Variants in CBFB observed in about 807,000 individuals in gnomAD.
CBFB encodes CBF-beta.
A neutral mutation model predicts 30.4 loss-of-function variants in CBFB; 9 were observed. The ratio of observed to expected loss-of-function variants is 0.30; its 90% CI spans 0.18 to 0.52. The LOEUF is 0.52. Ranked by LOEUF, CBFB falls within the 20% of genes least tolerant of loss-of-function variation. The pLI is 0.97. For synonymous variants in CBFB, 94 were observed against 84.0 expected, an observed-to-expected ratio of 1.12 and a Z score of -0.65; for missense variants, 170 against 244.0, an observed-to-expected ratio of 0.70 and a Z score of 2.02.
At chr16:67,077,391 C>G (rs1961430336) in intron 4 of CBFB, among the ~76,000 whole-genome samples, 1 of 152,156 alleles carries the variant, frequency 6.6e-6, no homozygotes, top group African/African-American at 2.4e-5. Flanking sequence ...AACGTATAAA[C>G]AGCTTTACTT....
intron 3 of CBFB, among the ~76,000 whole-genome samples, chr16:67,062,964 A>G (rs991114630): frequency 2.6e-5 from 4 of 152,146 alleles, no homozygotes; most frequent in African/African-American, 9.7e-5. Flanking sequence ...GAGGTGTGCT[A>G]ATAGGTGAAA....
At chr16:67,030,496 G>GA (rs892948222) in intron 2 of CBFB, among the ~76,000 whole-genome samples, 12 of 149,172 alleles carry the variant, frequency 8.0e-5, no homozygotes, top group South Asian at 2.1e-4. Context: ...ACCTTGGGTT[G>GA]AAAAAAAAAA....
chr16:67,048,002 G>A (rs555128974), intron 3 of CBFB, among the ~76,000 whole-genome samples: 9 of 152,248 alleles, frequency 5.9e-5, no homozygotes, highest in Non-Finnish European at 1.3e-4. Flanking sequence ...CTGGGAGGCA[G>A]AGGGTGCAGT....
chr16:67,051,509 T>A (rs1966739339), intron 3 of CBFB, among the ~76,000 whole-genome samples: 1 of 151,852 alleles, frequency 6.6e-6, no homozygotes, highest in African/African-American at 2.4e-5. Flanking sequence ...CACATACATA[T>A]ATGGATCCAG....
intron 5 of CBFB, among the ~76,000 whole-genome samples, chr16:67,084,639 T>C (rs1376101150): frequency 6.6e-6 from 1 of 152,244 alleles, no homozygotes; most frequent in East Asian, 1.9e-4. Context: ...AGTTTTATGA[T>C]ATGTGTATTT....
chr16:67,034,591 A>G (rs1002982583), intron 2 of CBFB, among the ~76,000 whole-genome samples: 1 of 152,192 alleles, frequency 6.6e-6, no homozygotes, highest in Admixed American at 6.5e-5. Flanking sequence ...AGGGATCTTT[A>G]TGAGATAATG....
In CBFB at chr16:67,031,637, A is replaced by T. The variant is rs192775718; in HGVS notation, c.165+1824A>T. 3.0e-3 allele frequency among the ~76,000 whole-genome samples: 454 copies of T among 152,238 alleles called. 12 individuals are homozygous for T. The highest frequency in any genetic ancestry group is 0.026 in the Admixed American group (391 of 15,274). On this transcript the variant is annotated intron_variant, in intron 2 of 5. Coordinates refer to ENST00000412916, the MANE Select transcript of CBFB (RefSeq NM_022845.3). ...GCGATTCTCCTGCCTCAGCCTCCTG[A>T]GTAGCTGGGATTACAGGCACACACC...
At chr16:67,080,303 A>G (rs573863803) in intron 4 of CBFB, among the ~76,000 whole-genome samples, 10 of 152,218 alleles carry the variant, frequency 6.6e-5, no homozygotes, top group South Asian at 6.2e-4. Flanking sequence ...GACTTTTGCA[A>G]TGGTCTAAGT....
In CBFB at chr16:67,037,486, AAAAC is replaced by A. The variant is rs546140424; in HGVS notation, c.282+734_282+737del. Among the ~76,000 whole-genome samples the A allele has an allele frequency of 6.7e-4, 102 of 152,288 alleles. 1 individual carries two copies. The South Asian group carries it at 0.011, about 16-fold the overall frequency. ...ATTAACAGCAAATTTACATTTGAGAAAAACAATGTGAAAACTTTAACTTGGAAAT... is the reference window on the plus strand; with the variant it reads ...ATTAACAGCAAATTTACATTTGAGAAAATGTGAAAACTTTAACTTGGAAAT... On this transcript the variant is annotated intron_variant, in intron 3 of 5. Transcript: ENST00000412916.
In CBFB at chr16:67,085,261, C is replaced by G. The variant is rs1465707556; in HGVS notation, c.495+2953C>G. Among the ~76,000 whole-genome samples, 6 of 150,890 alleles carry G rather than the reference C, an allele frequency of 4.0e-5. No individual in the cohort carries two copies. In the South Asian group the frequency reaches 6.3e-4, roughly 16 times the overall value. Reference sequence around the variant, plus strand: ...GTCGGCTCACCGCAACCTCTGCCTCCCGGGTTCAAGCGATTCTCCTGCCTC... The same window carrying G: ...GTCGGCTCACCGCAACCTCTGCCTCGCGGGTTCAAGCGATTCTCCTGCCTC... On this transcript the variant is annotated intron_variant, in intron 5 of 5. Coordinates refer to ENST00000412916, the MANE Select transcript of CBFB (RefSeq NM_022845.3).
intron 3 of CBFB, among the ~76,000 whole-genome samples, chr16:67,055,406 G>A (rs1437785975): frequency 3.5e-5 from 4 of 115,628 alleles, no homozygotes; most frequent in East Asian, 2.5e-4. Context: ...TCGCTCTGTC[G>A]CCCAGGCTGG....
chr16:67,042,111 A>G (rs983666170), intron 3 of CBFB, among the ~76,000 whole-genome samples: 1 of 151,580 alleles, frequency 6.6e-6, no homozygotes, highest in African/African-American at 2.4e-5. Context: ...TTTTGTGGAG[A>G]TGGGGTTCTG....
intron 5 of CBFB, among the ~76,000 whole-genome samples, chr16:67,095,275 T>C (rs1307341682): frequency 6.7e-6 from 1 of 149,024 alleles, no homozygotes; most frequent in African/African-American, 2.5e-5. Flanking sequence ...TCCCAACACT[T>C]TGGGAGGCTG....
At chr16:67,098,664 T>C in intron 5 of CBFB, 46 bp from the exon 6 acceptor site, 1 of 1,137,084 alleles carries the variant, frequency 8.8e-7, no homozygotes, top group Non-Finnish European at 1.3e-6. Flanking sequence ...AGTATTTTGA[T>C]TGTCAAAACA....
chr16:67,029,546 GAA>G (rs1231459481), intron 1 of CBFB, 61 bp downstream of exon 1: 2 of 1,503,886 alleles, frequency 1.3e-6, no homozygotes, highest in African/African-American at 1.4e-5. Context: ...CCCGGGCGGA[GAA>G]AAGTTTGGGC....
At chr16:67,030,810 A>G (rs1305402727) in intron 2 of CBFB, among the ~76,000 whole-genome samples, 2 of 152,120 alleles carry the variant, frequency 1.3e-5, no homozygotes, top group African/African-American at 4.8e-5. Flanking sequence ...TTGTTGGCCA[A>G]GCTGGCCTCC....
At chr16:67,053,112 CCTTA>C (rs1481276817) in intron 3 of CBFB, among the ~76,000 whole-genome samples, 1 of 151,852 alleles carries the variant, frequency 6.6e-6, no homozygotes, top group Admixed American at 6.6e-5. Flanking sequence ...GTATTTGTTC[CCTTA>C]CTTTTCTTTG....
intron 5 of CBFB, 117 bp from the exon 6 acceptor site, chr16:67,098,593 G>A: frequency 1.6e-6 from 1 of 611,930 alleles, no homozygotes; most frequent in Non-Finnish European, 3.0e-6. Context: ...GACTATATTG[G>A]CTGAAAACTT....
intron 3 of CBFB, among the ~76,000 whole-genome samples, chr16:67,063,788 A>T (rs975918797): frequency 6.6e-6 from 1 of 152,132 alleles, no homozygotes; most frequent in African/African-American, 2.4e-5. Flanking sequence ...TAATTTTTTT[A>T]TCATGTTTAT....
Sources: gnomAD v4.1 joint callset for allele counts (sites outside exome capture counted in the v4.1 genomes callset) on GRCh38, gnomAD v4.1.1 for gene constraint, MANE v1.5 for transcripts, NCBI Gene and HGNC (gene_info 2026-07-23, HGNC 2026-07-21) for gene names.